HADH: variants seen among roughly 807,000 people sequenced by gnomAD.
HADH encodes hydroxyacyl-coenzyme A dehydrogenase, mitochondrial.
In HADH, 24 loss-of-function variants were observed where a neutral mutation model predicts 32.2. The ratio of observed to expected loss-of-function variants is 0.75; its 90% confidence interval spans 0.54 to 1.05. The LOEUF (loss-of-function observed/expected upper bound fraction) is 1.05. Among genes scored for constraint, HADH ranks in the 50% least tolerant of loss-of-function variants. HADH has a pLI of 0.00. For missense variants in HADH, 350 were observed against 397.1 expected, an observed-to-expected ratio of 0.88 and a Z score of 1.01; for synonymous variants, 139 against 152.5, an observed-to-expected ratio of 0.91 and a Z score of 0.65.
chr4:108,001,001 A>G (rs1215880691), intron 1 of HADH, among the ~76,000 whole-genome samples: 1 of 152,278 alleles, frequency 6.6e-6, no homozygotes, highest in East Asian at 1.9e-4. Flanking sequence ...AGAGATCTAA[A>G]TGACACAGTT....
intron 1 of HADH, among the ~76,000 whole-genome samples, chr4:107,999,291 A>G (rs897485334): frequency 4.6e-5 from 7 of 152,218 alleles, no homozygotes; most frequent in African/African-American, 1.7e-4. Context: ...ACAGGGCTGG[A>G]TACCACTTAA....
intron 6 of HADH, chr4:108,029,642 G>A (rs1448275138): frequency 6.6e-6 from 1 of 152,434 alleles, no homozygotes; most frequent in Non-Finnish European, 1.5e-5. Context: ...ATGCTGCCTT[G>A]AGTGGTGCAG....
chr4:108,014,344 G>T, intron 2 of HADH, 87 bp from the exon 3 acceptor site: 2 of 1,491,424 alleles, frequency 1.3e-6, no homozygotes, highest in South Asian at 2.3e-5. Context: ...TGAACACCCA[G>T]TTTGCTAACT....
intron 6 of HADH, chr4:108,031,516 A>G (rs1232194744): frequency 1.3e-5 from 2 of 152,170 alleles, no homozygotes; most frequent in Admixed American, 1.3e-4. Flanking sequence ...CACCCCAAAT[A>G]TGCTGTGTTC....
rs774104857 is a variant in HADH, at chr4:108,032,323, A to G, written c.710-853A>G. 5.7e-6 allele frequency: 9 copies of G among 1,588,620 alleles called. No homozygotes were observed. The African/African-American group carries it at 8.0e-5, about 14-fold the overall frequency. ...ATTGATCCTTGTCGTAGTCTACTCA[A>G]CAGACTTCCAAACGTGTGGTGATTC... On this transcript the variant is annotated intron_variant, in intron 6 of 7. Transcript: ENST00000309522.
chr4:108,014,790 C>G (rs1560731346), intron 3 of HADH, among the ~76,000 whole-genome samples: 1 of 152,096 alleles, frequency 6.6e-6, no homozygotes, highest in Non-Finnish European at 1.5e-5. Context: ...TTTTTCAACC[C>G]TCGCCACCCT....
Position 108,009,782 on chromosome 4 carries a change from A to G in HADH, c.156A>G (p.Thr52=). The change falls in exon 2 of 8, where the codon ACA becomes ACG. Residue 52 remains threonine, a synonymous_variant. Coordinates refer to ENST00000309522, the MANE Select transcript of HADH (RefSeq NM_005327.7). ...IAQVAAATGH[T]VVLVDQTEDI... ...AGGTTGCTGCAGCAACTGGTCACAC[A>G]GTAGTGTTGGTAGACCAGACAGAGG... 1.8e-5 allele frequency: 29 copies of G among 1,613,086 alleles called. No individual in the cohort carries two copies. The highest frequency in any genetic ancestry group is 2.1e-5 in the Non-Finnish European group (25 of 1,179,078).
intron 1 of HADH, among the ~76,000 whole-genome samples, chr4:108,006,712 C>T (rs1735304493): frequency 6.6e-6 from 1 of 152,166 alleles, no homozygotes; most frequent in Admixed American, 6.5e-5. Flanking sequence ...GAACCCTTGT[C>T]CTAGAACCAC....
At chr4:108,013,183 G>A (rs987331771) in intron 2 of HADH, among the ~76,000 whole-genome samples, 5 of 152,148 alleles carry the variant, frequency 3.3e-5, no homozygotes, top group African/African-American at 4.8e-5. Flanking sequence ...CGCCTGCCTC[G>A]GCCTCCCGAA....
chr4:107,998,731 T>G (rs538669101), intron 1 of HADH, among the ~76,000 whole-genome samples: 25 of 150,896 alleles, frequency 1.7e-4, no homozygotes, highest in African/African-American at 4.1e-4. Flanking sequence ...TGTTTTTTTG[T>G]TTTTTTTTCT....
chr4:107,991,202 A>T (rs1485807195), intron 1 of HADH, among the ~76,000 whole-genome samples: 3 of 151,648 alleles, frequency 2.0e-5, no homozygotes, highest in Non-Finnish European at 4.4e-5. Context: ...TTGGAGAACC[A>T]TGGTTTTCGT....
chr4:108,034,640 G>A lies in HADH; in HGVS notation c.*283G>A, dbSNP rs950584935. On this transcript the variant is annotated 3_prime_UTR_variant, in exon 8 of 8. Coordinates refer to ENST00000309522, the MANE Select transcript of HADH (RefSeq NM_005327.7). ...GGAGCAAACATGTTTTTTGAACCTTGTCATTTTTGTGAAGAATTGCCTAGA... is the reference window on the plus strand; with the variant it reads ...GGAGCAAACATGTTTTTTGAACCTTATCATTTTTGTGAAGAATTGCCTAGA... The A allele has an allele frequency of 4.8e-5, 18 of 378,736 alleles. No homozygotes were observed. Among genetic ancestry groups the A allele is most frequent in the Non-Finnish European group, 8.2e-5 (16 of 196,146 alleles). 23.5% of individuals were successfully genotyped at this position (378,736 alleles called of 1,614,324 possible).
chr4:108,022,209 G>A (rs1257563738), intron 4 of HADH, among the ~76,000 whole-genome samples: 1 of 151,526 alleles, frequency 6.6e-6, no homozygotes, highest in Non-Finnish European at 1.5e-5. Flanking sequence ...GTATGTGTGT[G>A]TGTGTGTGTG....
Position 108,034,415 on chromosome 4 carries a change from CG to C in HADH, c.*59del, listed in dbSNP as rs1736389160. The stretch of plus-strand genomic sequence containing the variant: ...TGAGAGCGCTTTCCAGCCAGTGCCC[CG>C]AGTGCCTGTGGGAATGCTCTTTGGT... On this transcript the variant is annotated 3_prime_UTR_variant, in exon 8 of 8. Coordinates refer to ENST00000309522, the MANE Select transcript of HADH (RefSeq NM_005327.7). 2.1e-6 allele frequency: 2 copies of C among 953,634 alleles called. No homozygotes were observed. The highest frequency in any genetic ancestry group is 3.4e-5 in the Admixed American group (2 of 59,142). 59.1% of individuals were successfully genotyped at this position (953,634 alleles called of 1,614,324 possible).
At chr4:108,016,076 G>A (rs1450656612) in intron 3 of HADH, among the ~76,000 whole-genome samples, 2 of 152,230 alleles carry the variant, frequency 1.3e-5, no homozygotes, top group East Asian at 1.9e-4. Context: ...AGTGTTAAAG[G>A]AGCATTGACT....
intron 1 of HADH, among the ~76,000 whole-genome samples, chr4:108,005,552 G>A (rs1030236456): frequency 2.0e-5 from 3 of 152,172 alleles, no homozygotes; most frequent in Non-Finnish European, 4.4e-5. Flanking sequence ...AGGCATAATG[G>A]TAACTGTGAA....
chr4:108,009,281 G>A (rs9999973), intron 1 of HADH, among the ~76,000 whole-genome samples: 2,879 of 152,354 alleles, frequency 0.019, 93 homozygotes, highest in African/African-American at 0.064. Flanking sequence ...GGGAGTGGGT[G>A]CTCTGGGAAC....
At chr4:108,008,087 T>C (rs1034668492) in intron 1 of HADH, among the ~76,000 whole-genome samples, 4 of 152,238 alleles carry the variant, frequency 2.6e-5, no homozygotes, top group African/African-American at 9.6e-5. Context: ...ACTTGAATCA[T>C]TGGCTAGATG....
At chr4:108,002,150 G>T (rs775619165) in intron 1 of HADH, among the ~76,000 whole-genome samples, 1 of 152,138 alleles carries the variant, frequency 6.6e-6, no homozygotes, top group African/African-American at 2.4e-5. Flanking sequence ...CACAGTGCTC[G>T]TCCCCTCCAG....
Sources: gnomAD v4.1 joint callset for allele counts (sites outside exome capture counted in the v4.1 genomes callset) on GRCh38, gnomAD v4.1.1 for gene constraint, MANE v1.5 for transcripts, NCBI Gene and HGNC (gene_info 2026-07-23, HGNC 2026-07-21) for gene names.